OTUD7B: variants seen among roughly 807,000 people sequenced by gnomAD.
OTUD7B encodes OTU deubiquitinase 7B.
A neutral mutation model predicts 82.2 loss-of-function variants in OTUD7B; 34 were observed. The ratio of observed to expected loss-of-function variants is 0.41; its 90% confidence interval spans 0.31 to 0.55. OTUD7B has a LOEUF of 0.55. OTUD7B is among the 20% of genes least tolerant of loss of function. The pLI is 0.20. For synonymous variants in OTUD7B, 398 were observed against 402.7 expected (o/e 0.99, Z 0.14); for missense variants, 944 against 1,062.1 (o/e 0.89, Z 1.55).
intron 5 of OTUD7B, among the ~76,000 whole-genome samples, chr1:149,964,878 G>A (rs1169011436): frequency 6.8e-6 from 1 of 147,164 alleles, no homozygotes; most frequent in East Asian, 2.0e-4. Flanking sequence ...ACAGGCGTGA[G>A]CCACCACGCC....
chr1:149,978,968 T>G (rs142920922), intron 1 of OTUD7B, among the ~76,000 whole-genome samples: 2 of 151,908 alleles, frequency 1.3e-5, no homozygotes, highest in African/African-American at 4.8e-5. Context: ...ACAAAAAAGA[T>G]TTGTGGGTTA....
chr1:149,967,121 G>T (rs1649568170), intron 4 of OTUD7B, among the ~76,000 whole-genome samples, 173 bp downstream of exon 4: 1 of 152,162 alleles, frequency 6.6e-6, no homozygotes, highest in South Asian at 2.1e-4. Context: ...CCAGAGTAAA[G>T]TATCTAATCT....
chr1:150,004,712 C>T (rs1553785708), intron 1 of OTUD7B, among the ~76,000 whole-genome samples: 2 of 152,070 alleles, frequency 1.3e-5, no homozygotes, highest in African/African-American at 4.8e-5. Context: ...CTCACTGCCA[C>T]TCAGGTTAGT....
At chr1:149,997,959 C>T (rs1652026153) in intron 1 of OTUD7B, among the ~76,000 whole-genome samples, 1 of 152,134 alleles carries the variant, frequency 6.6e-6, no homozygotes, top group African/African-American at 2.4e-5. Flanking sequence ...GTTACTTAAA[C>T]CCTGAATTCA....
chr1:150,058,776 T>G, the OTUD7B span, among the ~76,000 whole-genome samples: 1 of 152,138 alleles, frequency 6.6e-6, no homozygotes, highest in Non-Finnish European at 1.5e-5. Flanking sequence ...TTAAGTAGCT[T>G]GGTATTTCAT....
At chr1:150,032,310 C>A in the OTUD7B span, among the ~76,000 whole-genome samples, 1 of 137,682 alleles carries the variant, frequency 7.3e-6, no homozygotes, top group South Asian at 2.3e-4. Context: ...GAAATTCTGT[C>A]TCAAAAAAAT....
chr1:150,054,549 T>G, the OTUD7B span: 1 of 445,812 alleles, frequency 2.2e-6, no homozygotes, highest in African/African-American at 2.0e-5. Context: ...GACTCATGTC[T>G]GTAATCCCAG....
chr1:150,004,177 C>A (rs1553785586), intron 1 of OTUD7B, among the ~76,000 whole-genome samples: 1 of 152,158 alleles, frequency 6.6e-6, no homozygotes, highest in Non-Finnish European at 1.5e-5. Context: ...ACTTCACACA[C>A]CCCCAGTGTC....
chr1:150,046,728 C>T, the OTUD7B span, among the ~76,000 whole-genome samples: 7 of 150,084 alleles, frequency 4.7e-5, no homozygotes, highest in Admixed American at 6.7e-5. Flanking sequence ...GGATTATAGG[C>T]GTTAGCCACC....
At chr1:150,007,262 T>C (rs1652730853) in intron 1 of OTUD7B, among the ~76,000 whole-genome samples, 4 of 152,198 alleles carry the variant, frequency 2.6e-5, no homozygotes, top group African/African-American at 9.7e-5. Flanking sequence ...AGAAGTTAAC[T>C]TGTCCAAGGT....
At chr1:149,978,387 A>G (rs1435045860) in intron 1 of OTUD7B, among the ~76,000 whole-genome samples, 4 of 152,112 alleles carry the variant, frequency 2.6e-5, no homozygotes, top group Non-Finnish European at 5.9e-5. Context: ...GGCACCTGTA[A>G]TCCTAGCTAC....
At chr1:149,951,297 G>A (rs1409791582) in intron 7 of OTUD7B, among the ~76,000 whole-genome samples, 1 of 151,000 alleles carries the variant, frequency 6.6e-6, no homozygotes, top group Non-Finnish European at 1.5e-5. Context: ...GTAGAGACGG[G>A]GTTTCACCGT....
chr1:149,979,556 G>C (rs1553779275), intron 1 of OTUD7B, among the ~76,000 whole-genome samples: 2 of 152,044 alleles, frequency 1.3e-5, no homozygotes, highest in African/African-American at 4.8e-5. Context: ...TATCATTCTA[G>C]ATATTGTCAA....
chr1:149,993,520 A>G (rs1651737128), intron 1 of OTUD7B, among the ~76,000 whole-genome samples: 1 of 152,250 alleles, frequency 6.6e-6, no homozygotes, highest in South Asian at 2.1e-4. Context: ...AAAAAGATGA[A>G]GAGGAAATTT....
intron 11 of OTUD7B, among the ~76,000 whole-genome samples, chr1:149,946,106 C>T (rs1382574467): frequency 6.7e-6 from 1 of 150,188 alleles, no homozygotes; most frequent in Non-Finnish European, 1.5e-5. Flanking sequence ...AGGTCAGGCG[C>T]GGTGGCTCAC....
At chr1:149,950,367 G>T in intron 7 of OTUD7B, 146 bp from the exon 8 acceptor site, 1 of 743,768 alleles carries the variant, frequency 1.3e-6, no homozygotes, top group Non-Finnish European at 2.1e-6. Flanking sequence ...CACTGATATA[G>T]CTGATTATTT....
chr1:150,047,570 G>A, the OTUD7B span: 1 of 152,068 alleles, frequency 6.6e-6, no homozygotes, highest in African/African-American at 2.4e-5. Flanking sequence ...TTGAATATAT[G>A]AACATCCTCT....
upstream of OTUD7B, among the ~76,000 whole-genome samples, chr1:150,011,090 A>G (rs1553787292): frequency 2.6e-5 from 4 of 152,152 alleles, no homozygotes; most frequent in East Asian, 7.7e-4. Flanking sequence ...AAAGACTGAC[A>G]TTCTAGTAAC....
chr1:150,007,308 G>C (rs1553786378), intron 1 of OTUD7B, among the ~76,000 whole-genome samples: 1 of 152,126 alleles, frequency 6.6e-6, no homozygotes, highest in African/African-American at 2.4e-5. Context: ...TCTGAACGAA[G>C]ACCCATCTAA....
Sources: gnomAD v4.1 joint callset for allele counts (sites outside exome capture counted in the v4.1 genomes callset) on GRCh38, gnomAD v4.1.1 for gene constraint, MANE v1.5 for transcripts, NCBI Gene and HGNC (gene_info 2026-07-23, HGNC 2026-07-21) for gene names.